TRIM37: variants seen among roughly 807,000 people sequenced by gnomAD.
The protein encoded by TRIM37 is tripartite motif containing 37, also known as E3 ubiquitin-protein ligase TRIM37.
TRIM37 carries 80 observed loss-of-function variants against 129.8 expected under a neutral mutation model. That is an observed-to-expected ratio of 0.62 (90% CI 0.51 to 0.74). The LOEUF is 0.74. TRIM37 is among the 30% of genes least tolerant of loss of function. The pLI is 0.00. For missense variants in TRIM37, 1,054 were observed against 1,176.5 expected, an observed-to-expected ratio of 0.90 and a Z score of 1.52; for synonymous variants, 389 against 387.1, an observed-to-expected ratio of 1.00 and a Z score of -0.06.
At chr17:59,064,332 C>A (rs754473667) in intron 10 of TRIM37, 23 bp downstream of exon 10, 8 of 1,582,780 alleles carry the variant, frequency 5.1e-6, no homozygotes, top group South Asian at 1.1e-5. Context: ...TACAAAAAAA[C>A]CAGAATTGTC....
In TRIM37 at chr17:59,049,329, A is replaced by G. The variant is rs1454458807; in HGVS notation, c.1379T>C (p.Leu460Pro). 3.0e-5 allele frequency: 49 copies of G among 1,614,074 alleles called. No individual in the cohort carries two copies. The highest frequency in any genetic ancestry group is 4.2e-5 in the Non-Finnish European group (49 of 1,180,052). Residue 460 changes from leucine (L) to proline (P), a missense_variant, in exon 15 of 24, where the codon CTT becomes CCT. Around this residue, in one of 3 missense-constraint regions of TRIM37, gnomAD observed 752 missense variants for 870.8 expected, o/e 0.86. Coordinates refer to ENST00000262294, the MANE Select transcript of TRIM37 (RefSeq NM_015294.6). ...CAGAGCATCATCATTTTGGGGGCTA[A>G]GATGGTTATCTGGTGGTGACAAATC... Reference protein sequence around the residue: ...SRDLSPPDNHLSPQNDDALET... With the variant: ...SRDLSPPDNHPSPQNDDALET...
In TRIM37 at chr17:59,088,393, A is replaced by G. The variant is rs749312275; in HGVS notation, c.179T>C (p.Leu60Pro). 51 of 1,610,982 alleles carry G rather than the reference A, an allele frequency of 3.2e-5. No individual in the cohort carries two copies. Among genetic ancestry groups the G allele is most frequent in the Non-Finnish European group, 4.1e-5 (48 of 1,177,276 alleles). ...QCPHCRAPLQ[L>P]RELVNCRWAE... is the part of the protein sequence containing the mutation. ...CCAACGACAATTTACTAGTTCTCGT[A>G]GCTGGAGTGGAGCACTGGGGAGAAA... The change falls in exon 4 of 24, where the codon CTA becomes CCA. Residue 60 changes from leucine to proline, a missense_variant. By Grantham distance (98) the Leu-to-Pro change is moderately conservative (BLOSUM62 -3). Transcript: ENST00000262294.
intron 24 of TRIM37, among the ~76,000 whole-genome samples, chr17:58,985,576 C>T (rs942573474): frequency 3.9e-5 from 6 of 152,184 alleles, no homozygotes; most frequent in African/African-American, 1.4e-4. Flanking sequence ...AGGAAATCAT[C>T]AGATGAGCTG....
Position 58,998,347 on chromosome 17 carries a change from A to G in TRIM37, c.*1030T>C, listed in dbSNP as rs186389005. The G allele has an allele frequency of 1.5e-5, 15 of 985,420 alleles. No individual in the cohort carries two copies. The East Asian group carries it at 1.6e-3, about 104-fold the overall frequency. 61.0% of individuals were successfully genotyped at this position (985,420 alleles called of 1,614,324 possible). On this transcript the variant is annotated 3_prime_UTR_variant, in exon 24 of 24. Coordinates refer to ENST00000262294, the MANE Select transcript of TRIM37 (RefSeq NM_015294.6). ...ATACAGCAGATGAGATGTCTCTCAC[A>G]TGTATATTTAATTATTCATGCTTTT...
intron 19 of TRIM37, among the ~76,000 whole-genome samples, chr17:59,019,797 C>T (rs968577299): frequency 4.0e-5 from 6 of 151,654 alleles, no homozygotes; most frequent in Non-Finnish European, 5.9e-5. Context: ...AGATGGGGAA[C>T]GACTTTTAAT....
At chr17:59,089,597 C>T (rs1295026147) in intron 3 of TRIM37, among the ~76,000 whole-genome samples, 2 of 151,850 alleles carry the variant, frequency 1.3e-5, no homozygotes, top group East Asian at 1.9e-4. Flanking sequence ...GCCAAGATTG[C>T]GCCACTGCAC....
chr17:59,061,210 C>A, intron 11 of TRIM37, 102 bp from the exon 12 acceptor site: 1 of 862,206 alleles, frequency 1.2e-6, no homozygotes, highest in Non-Finnish European at 1.9e-6. Context: ...TTCTAAGCCT[C>A]AAAGCAATGG....
At chr17:59,062,910 AG>A (rs2041618443) in intron 10 of TRIM37, among the ~76,000 whole-genome samples, 1 of 152,230 alleles carries the variant, frequency 6.6e-6, no homozygotes, top group Non-Finnish European at 1.5e-5. Flanking sequence ...GTGACATTTA[AG>A]GGAAAAGGAA....
At chr17:58,994,531 A>G (rs12948746), downstream of TRIM37, among the ~76,000 whole-genome samples, 99,618 of 151,892 alleles carry the variant, frequency 0.66, 33,291 homozygotes, top group African/African-American at 0.77. Flanking sequence ...TAGCTGCAGT[A>G]AGCTATGCAC....
intron 13 of TRIM37, among the ~76,000 whole-genome samples, chr17:59,052,519 T>C (rs1177308596): frequency 6.6e-6 from 1 of 152,180 alleles, no homozygotes; most frequent in Non-Finnish European, 1.5e-5. Flanking sequence ...AGAATACTAA[T>C]GCAAGAAAGG....
chr17:59,072,777 T>C (rs1371462456), intron 8 of TRIM37, among the ~76,000 whole-genome samples: 1 of 151,550 alleles, frequency 6.6e-6, no homozygotes, highest in African/African-American at 2.4e-5. Flanking sequence ...ATATATCATA[T>C]GATATATATC....
intron 24 of TRIM37, among the ~76,000 whole-genome samples, chr17:58,992,256 T>TATAA (rs1325132570): frequency 2.2e-4 from 32 of 145,438 alleles, no homozygotes; most frequent in South Asian, 1.3e-3. Context: ...GATATATATA[T>TATAA]ATATAAATAT....
Position 59,106,770 on chromosome 17 carries a change from G to T in TRIM37, c.-309C>A, listed in dbSNP as rs2046042531. On this transcript the variant is annotated 5_prime_UTR_variant, in exon 1 of 24. Coordinates refer to ENST00000262294, the MANE Select transcript of TRIM37 (RefSeq NM_015294.6). ...CGGAACCTCGGCCCACGTGACGCGG[G>T]CGCGCGCCTATGGAACTGACGGTGG... The T allele has an allele frequency of 1.8e-6, 1 of 557,262 alleles. No individual in the cohort carries two copies. The highest frequency in any genetic ancestry group is 3.2e-6 in the Non-Finnish European group (1 of 312,142). 34.5% of individuals were successfully genotyped at this position (557,262 alleles called of 1,614,324 possible).
At chr17:59,057,168 T>C in intron 12 of TRIM37, 114 bp from the exon 13 acceptor site, 3 of 838,848 alleles carry the variant, frequency 3.6e-6, no homozygotes, top group Non-Finnish European at 5.7e-6. Context: ...CTTATTGATA[T>C]ACGCAGTTAC....
At chr17:59,055,624 G>T (rs917109938) in intron 13 of TRIM37, among the ~76,000 whole-genome samples, 2 of 151,016 alleles carry the variant, frequency 1.3e-5, no homozygotes, top group African/African-American at 4.9e-5. Flanking sequence ...TGTGAACCCG[G>T]GAGGCAGAGC....
the TRIM37 span, among the ~76,000 whole-genome samples, chr17:58,976,895 AAAT>A: frequency 6.6e-6 from 1 of 152,220 alleles, no homozygotes; most frequent in Non-Finnish European, 1.5e-5. Context: ...GGAATTCAAA[AAAT>A]AATAATGATG....
chr17:59,062,726 C>A, intron 10 of TRIM37, 78 bp from the exon 11 acceptor site: 1 of 1,169,582 alleles, frequency 8.6e-7, no homozygotes, highest in Non-Finnish European at 1.3e-6. Flanking sequence ...AAAGACCAAC[C>A]AGTTTCTTTG....
At chr17:59,025,410 A>G (rs2037130161) in intron 19 of TRIM37, among the ~76,000 whole-genome samples, 1 of 151,256 alleles carries the variant, frequency 6.6e-6, no homozygotes, top group East Asian at 1.9e-4. Context: ...ATTAATATTC[A>G]TGTCATGAAT....
At chr17:59,089,620 A>G (rs2044106788) in intron 3 of TRIM37, among the ~76,000 whole-genome samples, 1 of 152,198 alleles carries the variant, frequency 6.6e-6, no homozygotes, top group African/African-American at 2.4e-5. Context: ...CAGCCTGGCG[A>G]AAGAGTGAGA....
Sources: allele counts gnomAD v4.1 joint callset (sites outside exome capture counted in the v4.1 genomes callset), GRCh38; gene constraint gnomAD v4.1.1; regional missense constraint gnomAD v4.1.1; transcripts MANE v1.5; gene names NCBI Gene and HGNC (gene_info 2026-07-23, HGNC 2026-07-21).